Variants in MAD1L1 observed in about 807,000 individuals in gnomAD.
The protein encoded by MAD1L1 is mitotic spindle assembly checkpoint protein MAD1.
A neutral mutation model predicts 96.9 loss-of-function variants in MAD1L1; 95 were observed. The ratio of observed to expected loss-of-function variants is 0.98; its 90% CI spans 0.83 to 1.16. The LOEUF (loss-of-function observed/expected upper bound fraction) is 1.16. Ranked by LOEUF, MAD1L1 falls within the 50% of genes most tolerant of loss-of-function variation. MAD1L1 has a pLI of 0.00. For missense variants in MAD1L1, 1,007 were observed against 954.4 expected (o/e 1.06, Z -0.73); for synonymous variants, 473 against 396.6 (o/e 1.19, Z -2.29).
intron 10 of MAD1L1, among the ~76,000 whole-genome samples, chr7:2,185,751 C>A (rs1348540083): frequency 6.6e-6 from 1 of 151,976 alleles, no homozygotes; most frequent in African/African-American, 2.4e-5. Flanking sequence ...GAGAACGTGA[C>A]GGTCAGGGTG....
chr7:2,050,079 G>A (rs1461580898), intron 12 of MAD1L1, among the ~76,000 whole-genome samples: 1 of 127,788 alleles, frequency 7.8e-6, no homozygotes, highest in Non-Finnish European at 1.7e-5. Context: ...CACGTTCACG[G>A]GGCACCTCAC....
chr7:1,888,913 C>T (rs11971542), intron 18 of MAD1L1, among the ~76,000 whole-genome samples: 136 of 152,330 alleles, frequency 8.9e-4, no homozygotes, highest in African/African-American at 3.2e-3. Flanking sequence ...CTGCTCCTCC[C>T]GCAATCACCC....
chr7:2,007,219 T>C (rs1782071440), intron 13 of MAD1L1, among the ~76,000 whole-genome samples: 2 of 152,232 alleles, frequency 1.3e-5, no homozygotes, highest in Admixed American at 6.5e-5. Flanking sequence ...GACACACAGA[T>C]TGAAGCCAGG....
At chr7:1,912,997 G>A (rs183204420) in intron 17 of MAD1L1, among the ~76,000 whole-genome samples, 89 of 152,210 alleles carry the variant, frequency 5.8e-4, no homozygotes, top group African/African-American at 2.1e-3. Context: ...CCCGGCAGGC[G>A]AGCCCCCTCT....
rs1272490366 is a variant in MAD1L1, at chr7:2,163,674, T to C, written c.987-14436A>G. On this transcript the variant is annotated intron_variant, in intron 10 of 18. Transcript: ENST00000265854. ...AGGCGTGAGCCACAGAAGCACACTTTTCTACGTATAATGCATTTTAAACTT... is the reference window on the plus strand; with the variant it reads ...AGGCGTGAGCCACAGAAGCACACTTCTCTACGTATAATGCATTTTAAACTT... 2.0e-5 allele frequency among the ~76,000 whole-genome samples: 3 copies of C among 152,124 alleles called. No homozygotes were observed. The East Asian group carries it at 5.8e-4, about 29-fold the overall frequency.
At chr7:1,914,109 TACTCTCC>T (rs1788203090) in intron 17 of MAD1L1, among the ~76,000 whole-genome samples, 1 of 152,144 alleles carries the variant, frequency 6.6e-6, no homozygotes, top group South Asian at 2.1e-4. Flanking sequence ...ATGGGGGACA[TACTCTCC>T]ACTCTGCCAC....
At chr7:2,147,052 AG>A (rs1312945499) in intron 11 of MAD1L1, among the ~76,000 whole-genome samples, 13 of 152,194 alleles carry the variant, frequency 8.5e-5, no homozygotes, top group African/African-American at 2.9e-4. Context: ...GGCCCCAGAA[AG>A]CCTTGGTCGG....
At chr7:2,095,352 A>G (rs1397535309) in intron 11 of MAD1L1, among the ~76,000 whole-genome samples, 1 of 152,148 alleles carries the variant, frequency 6.6e-6, no homozygotes, top group Non-Finnish European at 1.5e-5. Flanking sequence ...CCTGCAAGAA[A>G]TATTTTAAAA....
chr7:1,865,655 C>T (rs769512923), intron 18 of MAD1L1, among the ~76,000 whole-genome samples: 5 of 152,250 alleles, frequency 3.3e-5, no homozygotes, highest in Non-Finnish European at 7.3e-5. Flanking sequence ...TAACCAGAGG[C>T]TGTTCACACA....
intron 11 of MAD1L1, among the ~76,000 whole-genome samples, chr7:2,090,682 C>G (rs542594929): frequency 6.6e-6 from 1 of 152,196 alleles, no homozygotes; most frequent in Admixed American, 6.5e-5. Flanking sequence ...GCAGGCCCCC[C>G]GCAGGGTCAG....
intron 10 of MAD1L1, among the ~76,000 whole-genome samples, chr7:2,205,084 C>CTTTTTTATTTTTTTT: frequency 9.6e-6 from 1 of 103,862 alleles, no homozygotes; most frequent in Non-Finnish European, 1.8e-5. Flanking sequence ...AGGATCTTTT[C>CTTTTTTATTTTTTTT]TTTTTTTTTT....
intron 3 of MAD1L1, among the ~76,000 whole-genome samples, chr7:2,228,453 A>G (rs1303572539): frequency 6.6e-6 from 1 of 151,860 alleles, no homozygotes; most frequent in Non-Finnish European, 1.5e-5. Flanking sequence ...AGGTCTTACC[A>G]TGTTGGTCAG....
chr7:2,048,249 C>T (rs1045739658), intron 12 of MAD1L1, among the ~76,000 whole-genome samples: 4 of 152,334 alleles, frequency 2.6e-5, no homozygotes, highest in South Asian at 2.1e-4. Flanking sequence ...AGTCGGGCAG[C>T]GGGGTAGGTG....
intron 18 of MAD1L1, among the ~76,000 whole-genome samples, chr7:1,877,823 G>A (rs908461495): frequency 7.2e-5 from 11 of 152,196 alleles, no homozygotes; most frequent in African/African-American, 2.6e-4. Flanking sequence ...ACAATTGCAA[G>A]TGATCAAGAA....
chr7:1,975,833 T>C (rs1164281769), intron 15 of MAD1L1, among the ~76,000 whole-genome samples: 1 of 152,050 alleles, frequency 6.6e-6, no homozygotes, highest in African/African-American at 2.4e-5. Flanking sequence ...CCAGAAGACA[T>C]CACACGGCCG....
Position 2,221,127 on chromosome 7 carries a change from C to T in MAD1L1, c.471+1448G>A, listed in dbSNP as rs1793583803. Reference sequence around the variant, plus strand: ...CAGGCCAAAGCAGCAGCACCTGCAGCGCCACCATCTTCCCCTCACTATGCC... The same window carrying T: ...CAGGCCAAAGCAGCAGCACCTGCAGTGCCACCATCTTCCCCTCACTATGCC... On this transcript the variant is annotated intron_variant, in intron 5 of 18. Transcript: ENST00000265854. The T allele has an allele frequency of 1.8e-5, 19 of 1,078,912 alleles. No individual in the cohort carries two copies. In the South Asian group the frequency reaches 2.0e-4, roughly 11 times the overall value. The allele number at this position is 1,078,912 out of a possible 1,614,324, so 66.8% of individuals were successfully genotyped here. A position where few individuals can be genotyped will look rare whatever the true frequency, so the allele number is the denominator to read the frequency against.
At chr7:1,922,650 C>A (rs1290628490) in intron 17 of MAD1L1, among the ~76,000 whole-genome samples, 1 of 152,222 alleles carries the variant, frequency 6.6e-6, no homozygotes, top group Admixed American at 6.5e-5. Flanking sequence ...ACCCTGCTGC[C>A]CATCTGGGGC....
rs371353308 is a variant in MAD1L1, at chr7:2,055,185, C to A, written c.1218+14009G>T. On this transcript the variant is annotated intron_variant, in intron 12 of 18. Transcript: ENST00000265854. ...GCACCAGGCAGAGGCACGCCACAAA[C>A]CCTGACAGAAAGCAGGGAGTGAATG... 1.7e-4 allele frequency among the ~76,000 whole-genome samples: 26 copies of A among 152,280 alleles called. No homozygotes were observed. The East Asian group carries it at 4.8e-3, about 28-fold the overall frequency.
At chr7:1,878,992 TG>T (rs1477208782) in intron 18 of MAD1L1, among the ~76,000 whole-genome samples, 1 of 152,162 alleles carries the variant, frequency 6.6e-6, no homozygotes, top group Non-Finnish European at 1.5e-5. Flanking sequence ...AATGAAACAT[TG>T]GAAAATAAAA....
Sources: gnomAD v4.1 joint callset for allele counts (sites outside exome capture counted in the v4.1 genomes callset) on GRCh38, gnomAD v4.1.1 for gene constraint, MANE v1.5 for transcripts, NCBI Gene and HGNC (gene_info 2026-07-23, HGNC 2026-07-21) for gene names.